FHIT: variants seen among roughly 807,000 people sequenced by gnomAD.
FHIT encodes the protein bis(5'-adenosyl)-triphosphatase.
FHIT carries 19 observed loss-of-function variants against 17.9 expected under a neutral mutation model. The ratio of observed to expected loss-of-function variants is 1.06; its 90% confidence interval spans 0.74 to 1.56. The LOEUF (loss-of-function observed/expected upper bound fraction) is 1.56, where lower values mean the gene tolerates loss of function less well. Among genes scored for constraint, FHIT ranks in the 40% most tolerant of loss-of-function variants. FHIT has a pLI of 0.00. For synonymous variants in FHIT, 81 were observed against 69.7 expected (o/e 1.16, Z -0.81); for missense variants, 248 against 189.2 (o/e 1.31, Z -1.82).
chr3:60,742,993 C>G (rs991183700), intron 4 of FHIT, among the ~76,000 whole-genome samples: 3 of 152,234 alleles, frequency 2.0e-5, no homozygotes, highest in Non-Finnish European at 4.4e-5. Context: ...AACACCCAGG[C>G]TTGGTTCTCC....
intron 5 of FHIT, among the ~76,000 whole-genome samples, chr3:60,377,464 C>CTT (rs1196507429): frequency 3.4e-4 from 17 of 49,714 alleles, no homozygotes; most frequent in African/African-American, 4.7e-4. Flanking sequence ...GCCAAGAATT[C>CTT]TTTTTTTTTT....
At chr3:60,011,440 G>C (rs750663023) in intron 6 of FHIT, 40 bp from the exon 7 acceptor site, 1 of 1,544,840 alleles carries the variant, frequency 6.5e-7, no homozygotes, top group Non-Finnish European at 9.0e-7. Flanking sequence ...AGAATAGATA[G>C]ATGGTATCTC....
rs1021480515 is a variant in FHIT at position 60,348,874 on chromosome 3, T to A, written c.103+187986A>T. On this transcript the variant is annotated intron_variant, in intron 5 of 9. Coordinates refer to ENST00000492590, the MANE Select transcript of FHIT (RefSeq NM_002012.4). Reference sequence around the variant, plus strand: ...ATAGCCTGCTGGCGGATACAAAATATTTAGAGCGGAGCTAAGTCATTCAGC... The same window carrying A: ...ATAGCCTGCTGGCGGATACAAAATAATTAGAGCGGAGCTAAGTCATTCAGC... 3.3e-5 allele frequency among the ~76,000 whole-genome samples: 5 copies of A among 152,318 alleles called. No individual in the cohort carries two copies. In the East Asian group the frequency reaches 9.7e-4, roughly 29 times the overall value.
chr3:60,568,839 A>G (rs966827016), intron 4 of FHIT, among the ~76,000 whole-genome samples: 5 of 152,148 alleles, frequency 3.3e-5, no homozygotes, highest in African/African-American at 1.2e-4. Context: ...AGAAGGTATG[A>G]AGAGGTCAGC....
intron 3 of FHIT, among the ~76,000 whole-genome samples, chr3:60,960,528 TC>T (rs1553780413): frequency 6.6e-6 from 1 of 152,204 alleles, no homozygotes; most frequent in Non-Finnish European, 1.5e-5. Context: ...ACCCATTAAC[TC>T]ATCATTTACA....
chr3:60,859,723 A>ATTTTTTTTTTTTTTTT lies in FHIT; in HGVS notation c.-110-37728_-110-37713dup, dbSNP rs71092647. ...ACATTTGCAGTGGATTCTGAATACG[A>ATTTTTTTTTTTTTTTT]TTTTTTTTTTTTTTTTTTTTTTTTT... On this transcript the variant is annotated intron_variant, in intron 3 of 9. Coordinates refer to ENST00000492590, the MANE Select transcript of FHIT (RefSeq NM_002012.4). Among the ~76,000 whole-genome samples, 45 of 51,922 alleles carry ATTTTTTTTTTTTTTTT rather than the reference A, an allele frequency of 8.7e-4. 9 individuals are homozygous for ATTTTTTTTTTTTTTTT. The highest frequency in any genetic ancestry group is 1.1e-3 in the Non-Finnish European group (31 of 29,366). The allele number at this position is 51,922 out of a possible 152,430, so 34.1% of individuals were successfully genotyped here.
intron 5 of FHIT, among the ~76,000 whole-genome samples, chr3:60,251,606 AC>A (rs1705714645): frequency 6.6e-6 from 1 of 152,102 alleles, no homozygotes; most frequent in Non-Finnish European, 1.5e-5. Context: ...CCAGTTTCTG[AC>A]TCACAATAAG....
At chr3:60,576,465 A>G (rs2037568778) in intron 4 of FHIT, among the ~76,000 whole-genome samples, 1 of 152,152 alleles carries the variant, frequency 6.6e-6, no homozygotes, top group East Asian at 1.9e-4. Context: ...AATAACACGT[A>G]ATGATAAAAC....
intron 3 of FHIT, among the ~76,000 whole-genome samples, chr3:60,853,785 T>A (rs1553749122): frequency 6.6e-6 from 1 of 152,166 alleles, no homozygotes; most frequent in Admixed American, 6.6e-5. Context: ...CTCTTTTTCT[T>A]TGCAGTGTAA....
intron 2 of FHIT, among the ~76,000 whole-genome samples, chr3:61,093,048 T>C (rs1458553524): frequency 6.6e-6 from 1 of 152,192 alleles, no homozygotes; most frequent in Non-Finnish European, 1.5e-5. Flanking sequence ...AATCCCAGTG[T>C]GGTCCACCCT....
intron 8 of FHIT, among the ~76,000 whole-genome samples, chr3:59,821,529 A>T (rs1700787939): frequency 6.6e-6 from 1 of 152,166 alleles, no homozygotes; most frequent in Non-Finnish European, 1.5e-5. Flanking sequence ...AGCAGATGGG[A>T]TGCTAACTGG....
At chr3:60,942,111 G>A (rs1017184470) in intron 3 of FHIT, among the ~76,000 whole-genome samples, 1 of 152,102 alleles carries the variant, frequency 6.6e-6, no homozygotes, top group Non-Finnish European at 1.5e-5. Flanking sequence ...AGCCTCCCGA[G>A]TAGCTGGATT....
rs766592478 is a variant in FHIT at position 61,039,133 on chromosome 3, T to C, written c.-111+2914A>G. Reference sequence around the variant, plus strand: ...ATAGCAAAAATCAGGAAGGCTACAATTGGCCGCAATTTCCAAGATACTGAT... The same window carrying C: ...ATAGCAAAAATCAGGAAGGCTACAACTGGCCGCAATTTCCAAGATACTGAT... On this transcript the variant is annotated intron_variant, in intron 3 of 9. Transcript: ENST00000492590. Among the ~76,000 whole-genome samples the C allele has an allele frequency of 1.4e-4, 21 of 152,292 alleles. No homozygotes were observed. In the East Asian group the frequency reaches 2.7e-3, roughly 20 times the overall value.
intron 2 of FHIT, among the ~76,000 whole-genome samples, chr3:61,142,610 C>T (rs913011871): frequency 6.6e-6 from 1 of 151,888 alleles, no homozygotes; most frequent in African/African-American, 2.4e-5. Context: ...GAAAACCATG[C>T]AACCATTAAA....
At chr3:60,393,724 T>C (rs1417776929) in intron 5 of FHIT, among the ~76,000 whole-genome samples, 1 of 152,136 alleles carries the variant, frequency 6.6e-6, no homozygotes, top group African/African-American at 2.4e-5. Context: ...CATCTAAATA[T>C]CTGGATTTCC....
At chr3:60,250,780 AG>A (rs1312201401) in intron 5 of FHIT, among the ~76,000 whole-genome samples, 2 of 152,196 alleles carry the variant, frequency 1.3e-5, no homozygotes, top group Non-Finnish European at 2.9e-5. Flanking sequence ...ATTAAAAAAA[AG>A]ACCACCTGAT....
At chr3:60,439,309 G>C (rs1256036919) in intron 5 of FHIT, among the ~76,000 whole-genome samples, 1 of 152,094 alleles carries the variant, frequency 6.6e-6, no homozygotes, top group African/African-American at 2.4e-5. Context: ...CATTTAAATA[G>C]CATTTTTATT....
chr3:60,743,385 T>A (rs1346828681), intron 4 of FHIT, among the ~76,000 whole-genome samples: 2 of 152,190 alleles, frequency 1.3e-5, no homozygotes, highest in African/African-American at 4.8e-5. Flanking sequence ...TGAACTGCTA[T>A]TATGCAGCAG....
At chr3:60,318,913 T>C (rs1246591204) in intron 5 of FHIT, among the ~76,000 whole-genome samples, 2 of 152,186 alleles carry the variant, frequency 1.3e-5, no homozygotes, top group South Asian at 2.1e-4. Flanking sequence ...CAGCTTCTAG[T>C]GGCTGCCTAT....
Sources: allele counts gnomAD v4.1 joint callset (sites outside exome capture counted in the v4.1 genomes callset), GRCh38; gene constraint gnomAD v4.1.1; transcripts MANE v1.5; gene names NCBI Gene and HGNC (gene_info 2026-07-23, HGNC 2026-07-21).